Variants in ARID1B observed in about 807,000 individuals in gnomAD.
The protein encoded by ARID1B is AT-rich interaction domain 1B.
A neutral mutation model predicts 212.3 loss-of-function variants in ARID1B; 30 were observed. The observed-to-expected ratio is 0.14, with a 90% CI of 0.11 to 0.19. The LOEUF is 0.19. Among genes scored for constraint, ARID1B ranks in the 10% least tolerant of loss-of-function variants. ARID1B has a pLI of 1.00. For synonymous variants in ARID1B, 1,402 were observed against 1,301.7 expected, an observed-to-expected ratio of 1.08 and a Z score of -1.66; for missense variants, 2,891 against 3,204.0, an observed-to-expected ratio of 0.90 and a Z score of 2.36.
rs773510355 is a variant in ARID1B at position 157,167,152 on chromosome 6, A to C, written c.3202A>C (p.Ser1068Arg). The C allele has an allele frequency of 6.2e-7, 1 of 1,609,918 alleles. No homozygotes were observed. Residue 1068 changes from serine (S) to arginine (R), a missense_variant, in exon 9 of 20, where the codon AGC becomes CGC. This residue lies in a region of ARID1B where 1,643 missense variants were observed against 1,544.0 expected (regional missense o/e 1.06). Coordinates refer to ENST00000636930, the MANE Select transcript of ARID1B (RefSeq NM_001374828.1). Reference protein sequence around the residue: ...SLMNTQAPPYSMAPAMVNSSA... With the variant: ...SLMNTQAPPYRMAPAMVNSSA... ...GATGAACACGCAGGCGCCGCCCTACAGCATGGCGCCCGCCATGGTGAACAG... is the reference window on the plus strand; with the variant it reads ...GATGAACACGCAGGCGCCGCCCTACCGCATGGCGCCCGCCATGGTGAACAG...
chr6:157,085,076 C>T lies in ARID1B; in HGVS notation c.2491+171C>T, dbSNP rs77899392. Among the ~76,000 whole-genome samples the T allele has an allele frequency of 5.2e-3, 794 of 152,336 alleles. 12 individuals carry two copies. The highest frequency in any genetic ancestry group is 0.018 in the African/African-American group (740 of 41,570). On this transcript the variant is annotated intron_variant, in intron 5 of 19. Coordinates refer to ENST00000636930, the MANE Select transcript of ARID1B (RefSeq NM_001374828.1). ...AGTCCCAGTTCCTAAAGATATTCAA[C>T]AGGTGATTATAACTACCCCTTTAAT...
chr6:156,937,774 T>G (rs1486339975), intron 4 of ARID1B: 1 of 152,228 alleles, frequency 6.6e-6, no homozygotes, highest in Non-Finnish European at 1.5e-5. Context: ...TATTTCTGTC[T>G]TGTTATGTAT....
At chr6:156,840,210 C>T (rs540560606) in intron 2 of ARID1B, among the ~76,000 whole-genome samples, 8 of 152,322 alleles carry the variant, frequency 5.3e-5, no homozygotes, top group African/African-American at 1.4e-4. Flanking sequence ...CCTTTTTCAT[C>T]TGTTCTGACC....
chr6:156,974,016 T>A (rs1583058356), intron 4 of ARID1B, among the ~76,000 whole-genome samples: 1 of 152,350 alleles, frequency 6.6e-6, no homozygotes, highest in African/African-American at 2.4e-5. Context: ...GGCATCTGAC[T>A]TGAAAACATT....
intron 3 of ARID1B, among the ~76,000 whole-genome samples, chr6:156,908,947 C>G (rs1023022381): frequency 2.0e-5 from 3 of 152,038 alleles, no homozygotes; most frequent in Non-Finnish European, 4.4e-5. Context: ...CTCCTATGCC[C>G]TCACGTAGTT....
At chr6:157,039,430 A>G (rs913054826) in intron 4 of ARID1B, among the ~76,000 whole-genome samples, 2 of 145,316 alleles carry the variant, frequency 1.4e-5, no homozygotes, top group Non-Finnish European at 3.0e-5. Flanking sequence ...TCCCGGGTTC[A>G]CGCCATTCTC....
rs1792047131 is a variant in ARID1B at position 156,934,915 on chromosome 6, TATATATATATATATATA to T, written c.2137-550_2137-534del. The stretch of plus-strand genomic sequence containing the variant: ...TCATAATAAATTTAGTTGTTAATTA[TATATATATATATATATA>T]TATATATATATATATATATATATAT... On this transcript the variant is annotated intron_variant, in intron 3 of 19. Coordinates refer to ENST00000636930, the MANE Select transcript of ARID1B (RefSeq NM_001374828.1). Among the ~76,000 whole-genome samples the T allele has an allele frequency of 9.0e-4, 35 of 39,012 alleles. 1 individual carries two copies. The highest frequency in any genetic ancestry group is 2.0e-3 in the South Asian group (3 of 1,538). The allele number at this position is 39,012 out of a possible 152,430, so 25.6% of individuals were successfully genotyped here.
At chr6:157,124,987 G>A (rs1470641415) in intron 6 of ARID1B, among the ~76,000 whole-genome samples, 1 of 152,174 alleles carries the variant, frequency 6.6e-6, no homozygotes, top group Non-Finnish European at 1.5e-5. Context: ...GACTGGATGT[G>A]CAGGGACTTG....
At chr6:157,027,715 T>A (rs1014128861) in intron 4 of ARID1B, among the ~76,000 whole-genome samples, 6 of 152,270 alleles carry the variant, frequency 3.9e-5, no homozygotes, top group Non-Finnish European at 8.8e-5. Context: ...CCTCATTTTC[T>A]TTGATACCAT....
At chr6:157,092,559 T>C (rs1233703223) in intron 5 of ARID1B, among the ~76,000 whole-genome samples, 2 of 152,266 alleles carry the variant, frequency 1.3e-5, no homozygotes, top group Admixed American at 6.5e-5. Context: ...AGTATTCTTT[T>C]CTTCAAAAGC....
At chr6:156,980,181 T>C (rs1210986003) in intron 4 of ARID1B, among the ~76,000 whole-genome samples, 1 of 152,176 alleles carries the variant, frequency 6.6e-6, no homozygotes, top group Non-Finnish European at 1.5e-5. Flanking sequence ...GCTAAGTATA[T>C]GTGGAAAAGA....
intron 3 of ARID1B, among the ~76,000 whole-genome samples, chr6:156,904,076 C>T (rs1789163909): frequency 6.6e-6 from 1 of 152,160 alleles, no homozygotes. Context: ...TCTTAGTTCC[C>T]TCTGCCCATG....
intron 7 of ARID1B, among the ~76,000 whole-genome samples, chr6:157,135,670 C>T (rs1788856645): frequency 6.6e-6 from 1 of 152,192 alleles, no homozygotes; most frequent in African/African-American, 2.4e-5. Flanking sequence ...GCCTCCTGTC[C>T]TCAGCAAACA....
At chr6:156,917,759 C>T (rs968320709) in intron 3 of ARID1B, among the ~76,000 whole-genome samples, 1 of 152,052 alleles carries the variant, frequency 6.6e-6, no homozygotes, top group African/African-American at 2.4e-5. Context: ...ATTTATTGTT[C>T]AATATCATTT....
At chr6:156,942,453 G>T (rs1173583378) in intron 4 of ARID1B, 3 of 152,228 alleles carry the variant, frequency 2.0e-5, no homozygotes, top group African/African-American at 4.8e-5. Context: ...CACAGAGGCA[G>T]CGTGGACCCC....
chr6:156,838,937 C>T (rs1276572022), intron 2 of ARID1B, among the ~76,000 whole-genome samples: 2 of 151,968 alleles, frequency 1.3e-5, no homozygotes, highest in African/African-American at 4.8e-5. Context: ...TTGAGATTTC[C>T]AGTAGGATCT....
At chr6:156,842,791 C>CT (rs1394766599) in intron 2 of ARID1B, among the ~76,000 whole-genome samples, 1 of 152,192 alleles carries the variant, frequency 6.6e-6, no homozygotes, top group African/African-American at 2.4e-5. Flanking sequence ...TTGCCAAACC[C>CT]TTTTCATATA....
At chr6:157,134,418 A>G (rs1462962947) in intron 7 of ARID1B, among the ~76,000 whole-genome samples, 1 of 152,240 alleles carries the variant, frequency 6.6e-6, no homozygotes, top group African/African-American at 2.4e-5. Context: ...TTCTGTTGGT[A>G]GGAAGACTAT....
intron 6 of ARID1B, among the ~76,000 whole-genome samples, chr6:157,127,666 C>T (rs1221935692): frequency 1.3e-5 from 2 of 150,588 alleles, no homozygotes; most frequent in Non-Finnish European, 3.0e-5. Flanking sequence ...ATCCCAGCTA[C>T]TCAGGAGGCT....
Sources: gnomAD v4.1 joint callset for allele counts (sites outside exome capture counted in the v4.1 genomes callset) on GRCh38, gnomAD v4.1.1 for gene constraint, gnomAD v4.1.1 regional missense constraint, MANE v1.5 for transcripts, NCBI Gene and HGNC (gene_info 2026-07-23, HGNC 2026-07-21) for gene names.